The following POLR2B variants were observed in gnomAD, a reference collection of about 807,000 sequenced individuals.
The protein encoded by POLR2B is DNA-directed RNA polymerase II subunit RPB2.
A neutral mutation model predicts 144.6 loss-of-function variants in POLR2B; 57 were observed. The ratio of observed to expected loss-of-function variants is 0.39; its 90% CI spans 0.32 to 0.49. The LOEUF (loss-of-function observed/expected upper bound fraction) is 0.49. Among genes scored for constraint, POLR2B ranks in the 20% least tolerant of loss-of-function variants. The pLI is 0.83. For missense variants in POLR2B, 595 were observed against 1,467.4 expected, an observed-to-expected ratio of 0.41 and a Z score of 9.71; for synonymous variants, 442 against 469.8, an observed-to-expected ratio of 0.94 and a Z score of 0.77.
Position 56,994,479 on chromosome 4 carries a change from C to T in POLR2B, c.319C>T (p.Pro107Ser), listed in dbSNP as rs746874643. The T allele has an allele frequency of 6.2e-7, 1 of 1,601,794 alleles. No homozygotes were observed. Among genetic ancestry groups the T allele is most frequent in the Middle Eastern group, 1.7e-4 (1 of 6,030 alleles). ...TTGGGAAAGAGATGGTGCTCCTTCA[C>T]CAATGATGCCCAATGAAGCTAGATT... ...THWERDGAPS[P>S]MMPNEARLRN... The change falls in exon 4 of 25, where the codon CCA becomes TCA. Residue 107 changes from proline (P) to serine (S), a missense_variant. Transcript: ENST00000314595.
intron 23 of POLR2B, among the ~76,000 whole-genome samples, chr4:57,025,923 C>T (rs1723702271): frequency 6.6e-6 from 1 of 151,364 alleles, no homozygotes; most frequent in African/African-American, 2.4e-5. Flanking sequence ...TGTGCCACTA[C>T]ACCTTTAAAA....
chr4:57,001,448 A>G (rs1722852217), intron 7 of POLR2B, among the ~76,000 whole-genome samples: 1 of 152,268 alleles, frequency 6.6e-6, no homozygotes, highest in African/African-American at 2.4e-5. Flanking sequence ...GGCATGAGCC[A>G]GCGTGCCTGG....
intron 24 of POLR2B, chr4:57,030,625 A>G (rs1463668524): frequency 1.9e-6 from 1 of 538,160 alleles, no homozygotes; most frequent in Non-Finnish European, 3.2e-6. Flanking sequence ...TCTTTTGGAA[A>G]TAATAAGACT....
intron 3 of POLR2B, among the ~76,000 whole-genome samples, chr4:56,991,367 T>C (rs1013019845): frequency 4.6e-5 from 7 of 152,228 alleles, no homozygotes. Context: ...CTCACATATA[T>C]GCAGGTTTTT....
In POLR2B at chr4:57,024,276, A is replaced by G. The variant is rs531345840; in HGVS notation, c.2964+164A>G. On this transcript the variant is annotated intron_variant, in intron 21 of 24. Transcript: ENST00000314595. ...TATGATTCTGCCATTTTTTTTGGCA[A>G]TTTGCAAAGTTATGGACAAGTCAGA... Among the ~76,000 whole-genome samples, 4 of 152,124 alleles carry G rather than the reference A, an allele frequency of 2.6e-5. No homozygotes were observed. The East Asian group carries it at 7.7e-4, about 29-fold the overall frequency.
At chr4:57,030,149 G>A in intron 23 of POLR2B, 55 bp from the exon 24 acceptor site, 2 of 1,364,752 alleles carry the variant, frequency 1.5e-6, no homozygotes, top group Non-Finnish European at 2.1e-6. Flanking sequence ...CATTATTCAA[G>A]GCGGTGTTTA....
At chr4:57,008,348 G>A (rs548367963) in intron 10 of POLR2B, among the ~76,000 whole-genome samples, 572 of 152,092 alleles carry the variant, frequency 3.8e-3, no homozygotes, top group Non-Finnish European at 5.2e-3. Context: ...GACTACAGGC[G>A]CCCGCCACCA....
At chr4:56,997,985 A>G (rs952518208) in intron 6 of POLR2B, among the ~76,000 whole-genome samples, 13 of 152,208 alleles carry the variant, frequency 8.5e-5, no homozygotes, top group African/African-American at 3.1e-4. Flanking sequence ...TAGGGAGACT[A>G]TCATGGCAAC....
chr4:56,997,262 T>G (rs931069715), intron 6 of POLR2B, among the ~76,000 whole-genome samples: 4 of 151,686 alleles, frequency 2.6e-5, no homozygotes, highest in African/African-American at 7.3e-5. Flanking sequence ...ATGCAAAGTT[T>G]TTTTTTTTTT....
chr4:57,004,172 A>G (rs1722939357), intron 7 of POLR2B, among the ~76,000 whole-genome samples: 2 of 151,856 alleles, frequency 1.3e-5, no homozygotes, highest in African/African-American at 2.4e-5. Flanking sequence ...GACTGCAGGC[A>G]CACGCAACCA....
chr4:56,992,242 C>G (rs935288274), intron 3 of POLR2B, among the ~76,000 whole-genome samples: 1 of 151,744 alleles, frequency 6.6e-6, no homozygotes, highest in Non-Finnish European at 1.5e-5. Flanking sequence ...GCGGGCAGAT[C>G]ACCTGAGCTC....
At chr4:56,995,693 TCATTCCCATG>T (rs1722656978) in intron 6 of POLR2B, among the ~76,000 whole-genome samples, 1 of 151,938 alleles carries the variant, frequency 6.6e-6, no homozygotes, top group African/African-American at 2.4e-5. Context: ...ATCTCAAGAG[TCATTCCCATG>T]GTTGTCTGCA....
chr4:56,995,178 G>A, intron 5 of POLR2B, 73 bp from the exon 6 acceptor site: 1 of 1,084,692 alleles, frequency 9.2e-7, no homozygotes, highest in South Asian at 1.6e-5. Context: ...AAATTAAGAT[G>A]CAGATTTTAC....
At chr4:57,018,571 G>C (rs1723438797) in intron 16 of POLR2B, among the ~76,000 whole-genome samples, 1 of 152,072 alleles carries the variant, frequency 6.6e-6, no homozygotes, top group Admixed American at 6.6e-5. Context: ...TTAGAGGTAA[G>C]ACAATAATTT....
rs369161188 is a variant in POLR2B at position 57,010,664 on chromosome 4, T to C, written c.1549-84T>C. On this transcript the variant is annotated intron_variant, in intron 11 of 24. Transcript: ENST00000314595. ...TAGAAAGTAAGAATAAATCTTGAAA[T>C]CACATTGAAGGAAAAATGTTTATGG... 8,441 of 1,382,824 alleles carry C rather than the reference T, an allele frequency of 6.1e-3. 45 individuals are homozygous for C. Among genetic ancestry groups the C allele is most frequent in the Non-Finnish European group, 7.1e-3 (7,158 of 1,013,278 alleles). The allele number at this position is 1,382,824 out of a possible 1,614,324, so 85.7% of individuals were successfully genotyped here.
Position 57,010,323 on chromosome 4 carries a change from A to C in POLR2B, c.1405-38A>C. On this transcript the variant is annotated intron_variant, in intron 10 of 24. Coordinates refer to ENST00000314595, the MANE Select transcript of POLR2B (RefSeq NM_000938.3). ...CTCAGTGTAATAGTATGAATCACAG[A>C]AATGTCCAGACTTTAAAGATTGGCT... The C allele has an allele frequency of 3.8e-6, 6 of 1,599,626 alleles. No individual in the cohort carries two copies. In the South Asian group the frequency reaches 6.7e-5, roughly 18 times the overall value.
intron 2 of POLR2B, among the ~76,000 whole-genome samples, chr4:56,990,083 T>C (rs1722465930): frequency 6.6e-6 from 1 of 152,198 alleles, no homozygotes; most frequent in Admixed American, 6.5e-5. Context: ...CATGCATTAT[T>C]TTAGTCATTA....
At chr4:56,990,639 A>G in intron 2 of POLR2B, 109 bp from the exon 3 acceptor site, 1 of 946,318 alleles carries the variant, frequency 1.1e-6, no homozygotes, top group Non-Finnish European at 1.6e-6. Flanking sequence ...AATGGTTGGT[A>G]TTTTATGACT....
intron 7 of POLR2B, among the ~76,000 whole-genome samples, chr4:57,004,829 C>A (rs1578574040): frequency 6.6e-6 from 1 of 152,150 alleles, no homozygotes; most frequent in East Asian, 1.9e-4. Context: ...GGACTACAGG[C>A]ATGTGCCACT....
Sources: gnomAD v4.1 joint callset for allele counts (sites outside exome capture counted in the v4.1 genomes callset) on GRCh38, gnomAD v4.1.1 for gene constraint, MANE v1.5 for transcripts, NCBI Gene and HGNC (gene_info 2026-07-23, HGNC 2026-07-21) for gene names.